ZDHHC3: variants seen among roughly 807,000 people sequenced by gnomAD.
The protein encoded by ZDHHC3 is palmitoyltransferase ZDHHC3.
In ZDHHC3, 9 loss-of-function variants were observed where a neutral mutation model predicts 30.6. That is an observed-to-expected ratio of 0.29 (90% confidence interval 0.18 to 0.51). ZDHHC3 has a LOEUF of 0.51. Ranked by LOEUF, ZDHHC3 falls within the 20% of genes least tolerant of loss-of-function variation. ZDHHC3 has a pLI of 0.97. For synonymous variants in ZDHHC3, 136 were observed against 140.2 expected (o/e 0.97, Z 0.21); for missense variants, 246 against 384.2 (o/e 0.64, Z 3.01).
At chr3:44,960,297 T>C (rs1704359523) in intron 1 of ZDHHC3, among the ~76,000 whole-genome samples, 1 of 152,164 alleles carries the variant, frequency 6.6e-6, no homozygotes, top group African/African-American at 2.4e-5. Flanking sequence ...GGCCACCTCC[T>C]CCCAGGATTG....
Position 44,919,126 on chromosome 3 carries a change from T to G in ZDHHC3, c.*7563A>C. ...AATTCTAAGTTAAAAAAATTGGATC[T>G]CAAAAGTATATCCTCATAAGATACT... On this transcript the variant is annotated 3_prime_UTR_variant, in exon 7 of 7. Coordinates refer to ENST00000424952, the MANE Select transcript of ZDHHC3 (RefSeq NM_001135179.2). The G allele has an allele frequency of 1.0e-6, 1 of 981,358 alleles. No homozygotes were observed. Among genetic ancestry groups the G allele is most frequent in the Non-Finnish European group, 1.2e-6 (1 of 826,380 alleles). The allele number at this position is 981,358 out of a possible 1,614,324, so 60.8% of individuals were successfully genotyped here.
rs1700524566 is a variant in ZDHHC3 at position 44,920,583 on chromosome 3, C to A, written c.*6106G>T. ...ATGACGGTGGCCAAGGCTCATCTAG[C>A]TTGTTATGTATCAGAACTGGAACCA... On this transcript the variant is annotated 3_prime_UTR_variant, in exon 7 of 7. Transcript: ENST00000424952. 28 of 985,338 alleles carry A rather than the reference C, an allele frequency of 2.8e-5. No homozygotes were observed. The highest frequency in any genetic ancestry group is 3.4e-5 in the Non-Finnish European group (28 of 829,884). 61.0% of individuals were successfully genotyped at this position (985,338 alleles called of 1,614,324 possible). A position where few individuals can be genotyped will look rare whatever the true frequency, so the allele number is the denominator to read the frequency against.
Position 44,920,408 on chromosome 3 carries a change from G to T in ZDHHC3, c.*6281C>A. 1 of 1,274,142 alleles carries T rather than the reference G, an allele frequency of 7.8e-7. No individual in the cohort carries two copies. Among genetic ancestry groups the T allele is most frequent in the South Asian group, 1.2e-5 (1 of 80,178 alleles). The allele number at this position is 1,274,142 out of a possible 1,614,324, so 78.9% of individuals were successfully genotyped here. ...TCACCATATGGCAGACCCGGCTACA[G>T]AGGAAACACCCAAAAATGACAGACT... On this transcript the variant is annotated 3_prime_UTR_variant, in exon 7 of 7. Coordinates refer to ENST00000424952, the MANE Select transcript of ZDHHC3 (RefSeq NM_001135179.2).
At position 44,919,705 on chromosome 3, in the gene ZDHHC3, A is replaced by G. The variant is rs1700461669; in HGVS notation, c.*6984T>C. On this transcript the variant is annotated 3_prime_UTR_variant, in exon 7 of 7. Coordinates refer to ENST00000424952, the MANE Select transcript of ZDHHC3 (RefSeq NM_001135179.2). ...TAAGGTACATACATTAGTTAAGGGT[A>G]TGGTGTTGCCAATGTCCAGGGTTTT... 5.0e-6 allele frequency: 1 copy of G among 200,536 alleles called. No homozygotes were observed. The highest frequency in any genetic ancestry group is 8.9e-6 in the Non-Finnish European group (1 of 112,324). 12.4% of individuals were successfully genotyped at this position (200,536 alleles called of 1,614,324 possible).
At chr3:44,942,844 C>T (rs955650584) in intron 3 of ZDHHC3, among the ~76,000 whole-genome samples, 1 of 152,196 alleles carries the variant, frequency 6.6e-6, no homozygotes, top group Admixed American at 6.5e-5. Context: ...ACTTCCAACA[C>T]CAACCACTCC....
chr3:44,918,424 C>T lies in ZDHHC3; in HGVS notation c.*8265G>A, dbSNP rs1259595851. The stretch of plus-strand genomic sequence containing the variant: ...GTTCTCCACCCACCACCCAGCCCTC[C>T]CCTTCTTTCCTTCCACAAGTGCAAT... On this transcript the variant is annotated 3_prime_UTR_variant, in exon 7 of 7. Transcript: ENST00000424952. 4.1e-6 allele frequency: 4 copies of T among 985,238 alleles called. No homozygotes were observed. The highest frequency in any genetic ancestry group is 4.8e-6 in the Non-Finnish European group (4 of 829,918). The allele number at this position is 985,238 out of a possible 1,614,324, so 61.0% of individuals were successfully genotyped here.
chr3:44,935,896 C>A (rs962602796), intron 3 of ZDHHC3, among the ~76,000 whole-genome samples: 1 of 152,022 alleles, frequency 6.6e-6, no homozygotes, highest in African/African-American at 2.4e-5. Context: ...ATGTAAAACC[C>A]AAAACTATAA....
intron 2 of ZDHHC3, among the ~76,000 whole-genome samples, chr3:44,958,322 G>C (rs1704135212): frequency 6.6e-6 from 1 of 152,146 alleles, no homozygotes; most frequent in Non-Finnish European, 1.5e-5. Context: ...TTTCCCTGGG[G>C]CTCACAGAAA....
chr3:44,920,372 G>C lies in ZDHHC3; in HGVS notation c.*6317C>G. ...AAGAGGCTTTAACTTCATAGCACGA[G>C]AGCTGGGACATCACCATATGGCAGA... On this transcript the variant is annotated 3_prime_UTR_variant, in exon 7 of 7. Coordinates refer to ENST00000424952, the MANE Select transcript of ZDHHC3 (RefSeq NM_001135179.2). The C allele has an allele frequency of 7.8e-7, 1 of 1,289,350 alleles. No homozygotes were observed. Among genetic ancestry groups the C allele is most frequent in the Non-Finnish European group, 1.0e-6 (1 of 988,478 alleles). The allele number at this position is 1,289,350 out of a possible 1,614,324, so 79.9% of individuals were successfully genotyped here. A position where few individuals can be genotyped will look rare whatever the true frequency, so the allele number is the denominator to read the frequency against.
chr3:44,959,591 T>C lies in ZDHHC3; in HGVS notation c.-24-131A>G. 1.1e-5 allele frequency: 8 copies of C among 710,570 alleles called. 1 individual carries two copies. Among genetic ancestry groups the C allele is most frequent in the South Asian group, 3.8e-5 (2 of 52,282 alleles). 44.0% of individuals were successfully genotyped at this position (710,570 alleles called of 1,614,324 possible). ...TGTGTGCAAAGCCACCTAATCACCT[T>C]GTTCATTTAAAACATGAGTTCTCTT... On this transcript the variant is annotated intron_variant, in intron 1 of 6. Coordinates refer to ENST00000424952, the MANE Select transcript of ZDHHC3 (RefSeq NM_001135179.2). This position sits in a 1 kb window ranked among gnomAD's most constrained non-coding sequence, Gnocchi z 4.3.
chr3:44,933,035 A>G (rs1335903830), intron 5 of ZDHHC3, 83 bp downstream of exon 5: 1 of 1,613,262 alleles, frequency 6.2e-7, no homozygotes, highest in Non-Finnish European at 8.5e-7. Context: ...TGGCACCATG[A>G]AGGAAACAAA....
At chr3:44,939,017 G>A (rs1015407797) in intron 3 of ZDHHC3, among the ~76,000 whole-genome samples, 4 of 152,216 alleles carry the variant, frequency 2.6e-5, no homozygotes, top group Non-Finnish European at 5.9e-5. Flanking sequence ...GACAGATATT[G>A]TGCCTGGCTC....
At position 44,962,734 on chromosome 3, in the gene ZDHHC3, T is replaced by C. The variant is rs551388968; in HGVS notation, c.-24-3274A>G. On this transcript the variant is annotated intron_variant, in intron 1 of 6. Transcript: ENST00000424952. ...AACTGGCTTGCTCAGACTGTTATAATTGCCGTTCTGGCATCTCTGTATATG... is the reference window on the plus strand; with the variant it reads ...AACTGGCTTGCTCAGACTGTTATAACTGCCGTTCTGGCATCTCTGTATATG... Among the ~76,000 whole-genome samples the C allele has an allele frequency of 7.5e-4, 115 of 152,342 alleles. 1 individual carries two copies. The highest frequency in any genetic ancestry group is 2.3e-3 in the East Asian group (12 of 5,184).
At chr3:44,962,813 C>G (rs1042479239) in intron 1 of ZDHHC3, among the ~76,000 whole-genome samples, 1 of 152,176 alleles carries the variant, frequency 6.6e-6, no homozygotes, top group Non-Finnish European at 1.5e-5. Context: ...TCTACGGTCA[C>G]CAGTCATACC....
In ZDHHC3 at chr3:44,924,304, G is replaced by C; in HGVS notation, c.*2385C>G. 1 of 985,406 alleles carries C rather than the reference G, an allele frequency of 1.0e-6. No homozygotes were observed. The allele number at this position is 985,406 out of a possible 1,614,324, so 61.0% of individuals were successfully genotyped here. On this transcript the variant is annotated 3_prime_UTR_variant, in exon 7 of 7. Coordinates refer to ENST00000424952, the MANE Select transcript of ZDHHC3 (RefSeq NM_001135179.2). ...ACCAATCACTACCCTGCAAATGATG[G>C]CTACATTCCTCAGTCATTGTGCTCT...
Position 44,959,174 on chromosome 3 carries a change from A to C in ZDHHC3, c.263T>G (p.Phe88Cys). The change falls in exon 2 of 7, where the codon TTC becomes TGC. Residue 88 changes from phenylalanine to cysteine, a missense_variant. Coordinates refer to ENST00000424952, the MANE Select transcript of ZDHHC3 (RefSeq NM_001135179.2). This position sits in a 1 kb window ranked among gnomAD's most constrained non-coding sequence, Gnocchi z 4.3. ...CCGGCAGTGGGAGGCCAGGGCCAAG[A>C]AGGCCAGCAGGTTGAACACAATTCC... ...INGIVFNLLA[F>C]LALASHCRAM... 10 of 1,614,248 alleles carry C rather than the reference A, an allele frequency of 6.2e-6. No homozygotes were observed. Among genetic ancestry groups the C allele is most frequent in the Non-Finnish European group, 8.5e-6 (10 of 1,180,054 alleles).
chr3:44,974,252 T>A (rs1162176692), intron 1 of ZDHHC3, among the ~76,000 whole-genome samples: 1 of 152,112 alleles, frequency 6.6e-6, no homozygotes, highest in Non-Finnish European at 1.5e-5. Flanking sequence ...GGAATTCCCG[T>A]CAATTGTGAG....
intron 1 of ZDHHC3, among the ~76,000 whole-genome samples, chr3:44,970,423 C>T (rs532657308): frequency 2.6e-4 from 39 of 152,332 alleles, no homozygotes; most frequent in South Asian, 6.2e-4. Context: ...TCCTGCCACT[C>T]GCTAACCTCA....
intron 2 of ZDHHC3, chr3:44,958,830 AC>A: frequency 1.2e-6 from 1 of 806,436 alleles, no homozygotes; most frequent in Non-Finnish European, 1.9e-6. Flanking sequence ...TGTCTTTTTA[AC>A]CAGAGGCCAG....
Sources: gnomAD v4.1 joint callset for allele counts (sites outside exome capture counted in the v4.1 genomes callset) on GRCh38, gnomAD v4.1.1 for gene constraint, Gnocchi (gnomAD v3.1) non-coding constraint, MANE v1.5 for transcripts, NCBI Gene and HGNC (gene_info 2026-07-23, HGNC 2026-07-21) for gene names.